The following PLAG1 variants were observed in gnomAD, a reference collection of about 807,000 sequenced individuals.
PLAG1 encodes the protein PLAG1 zinc finger.
A neutral mutation model predicts 35.5 loss-of-function variants in PLAG1; 7 were observed. The observed-to-expected ratio is 0.20, with a 90% CI of 0.11 to 0.37. PLAG1 has a LOEUF of 0.37. Ranked by LOEUF, PLAG1 falls within the 10% of genes least tolerant of loss-of-function variation. PLAG1 has a pLI of 1.00. For synonymous variants in PLAG1, 229 were observed against 225.4 expected, an observed-to-expected ratio of 1.02 and a Z score of -0.14; for missense variants, 454 against 602.8, an observed-to-expected ratio of 0.75 and a Z score of 2.58.
chr8:56,168,595 T>A (rs1811424837), intron 3 of PLAG1, among the ~76,000 whole-genome samples: 1 of 152,200 alleles, frequency 6.6e-6, no homozygotes, highest in African/African-American at 2.4e-5. Flanking sequence ...AATGAACAGT[T>A]CATACATACC....
intron 2 of PLAG1, among the ~76,000 whole-genome samples, chr8:56,172,982 CG>C (rs1037528350): frequency 2.0e-5 from 3 of 152,040 alleles, no homozygotes; most frequent in Non-Finnish European, 4.4e-5. Flanking sequence ...GAGTGGAAAA[CG>C]ATTTGGGTAG....
intron 1 of PLAG1, among the ~76,000 whole-genome samples, chr8:56,200,085 G>T (rs1812506936): frequency 6.6e-6 from 1 of 152,098 alleles, no homozygotes; most frequent in African/African-American, 2.4e-5. Context: ...CTGACACCCT[G>T]ACACTCAACT....
Position 56,167,510 on chromosome 8 carries a change from A to G in PLAG1, c.243-7T>C. On this transcript the variant is annotated splice_region_variant and splice_polypyrimidine_tract_variant and intron_variant, in intron 4 of 4. Transcript: ENST00000316981. The surrounding 1 kb of genome is among the most constrained non-coding windows in gnomAD (Gnocchi z 5.9). ...AGAATGAGTAGCCATGTGCCTTTAA[A>G]CACAGATATAATCTATAAGTAGTTA... 6.3e-7 allele frequency: 1 copy of G among 1,576,160 alleles called. No individual in the cohort carries two copies.
intron 1 of PLAG1, among the ~76,000 whole-genome samples, chr8:56,195,124 T>C (rs1812321633): frequency 6.6e-6 from 1 of 152,176 alleles, no homozygotes; most frequent in Non-Finnish European, 1.5e-5. Context: ...ATTATCATAA[T>C]TATTAGCCAA....
chr8:56,200,740 C>T (rs1812524540), intron 1 of PLAG1, among the ~76,000 whole-genome samples: 2 of 152,200 alleles, frequency 1.3e-5, no homozygotes, highest in Admixed American at 1.3e-4. Flanking sequence ...AACAGCCCTG[C>T]TTCTTCTTGC....
chr8:56,200,046 A>G (rs1308459896), intron 1 of PLAG1, among the ~76,000 whole-genome samples: 1 of 151,906 alleles, frequency 6.6e-6, no homozygotes, highest in East Asian at 1.9e-4. Context: ...CTCCCTTTCT[A>G]GCTTTCTCCA....
intron 2 of PLAG1, among the ~76,000 whole-genome samples, chr8:56,176,584 G>C (rs1811702833): frequency 6.6e-6 from 1 of 152,034 alleles, no homozygotes; most frequent in African/African-American, 2.4e-5. Flanking sequence ...TGATGCCTCA[G>C]AGAGCAAAGA....
intron 1 of PLAG1, among the ~76,000 whole-genome samples, chr8:56,201,883 T>G (rs1397999251): frequency 1.3e-5 from 2 of 152,034 alleles, no homozygotes; most frequent in African/African-American, 2.4e-5. Flanking sequence ...GTCATGTTGC[T>G]AACGATTCAG....
intron 1 of PLAG1, among the ~76,000 whole-genome samples, chr8:56,179,950 C>G (rs1405345156): frequency 6.6e-6 from 1 of 152,058 alleles, no homozygotes; most frequent in Non-Finnish European, 1.5e-5. Flanking sequence ...ACCAGGCCAC[C>G]TGTCCACAGA....
chr8:56,198,044 A>G (rs1253274157), intron 1 of PLAG1, among the ~76,000 whole-genome samples: 1 of 152,060 alleles, frequency 6.6e-6, no homozygotes, highest in East Asian at 1.9e-4. Context: ...CGTCCCAGAC[A>G]CCCTCTGGAA....
Position 56,165,499 on chromosome 8 carries a change from G to C in PLAG1, c.*744C>G, listed in dbSNP as rs753293903. 4.7e-6 allele frequency: 1 copy of C among 210,604 alleles called. No individual in the cohort carries two copies. Among genetic ancestry groups the C allele is most frequent in the Admixed American group, 5.9e-5 (1 of 17,000 alleles). 13.0% of individuals were successfully genotyped at this position (210,604 alleles called of 1,614,324 possible). On this transcript the variant is annotated 3_prime_UTR_variant, in exon 5 of 5. Transcript: ENST00000316981. ...ATTAAATGAAAAGATAGCATGTTAA[G>C]AAGGATGAAACACGACAAAATATCC...
intron 1 of PLAG1, chr8:56,209,267 C>G (rs1326455427): frequency 1.3e-5 from 2 of 152,202 alleles, no homozygotes; most frequent in Admixed American, 6.5e-5. Flanking sequence ...GCTTCCAAAG[C>G]AAAGCAATGT....
intron 1 of PLAG1, among the ~76,000 whole-genome samples, chr8:56,193,686 T>A (rs2129231809): frequency 6.6e-6 from 1 of 151,610 alleles, no homozygotes; most frequent in South Asian, 2.1e-4. Flanking sequence ...AGATCTTTCA[T>A]TAGGTAAACT....
At chr8:56,192,640 C>T (rs1462021139) in intron 1 of PLAG1, among the ~76,000 whole-genome samples, 3 of 152,210 alleles carry the variant, frequency 2.0e-5, no homozygotes, top group Non-Finnish European at 4.4e-5. Flanking sequence ...ACTAATTCTA[C>T]ACCATAACAC....
chr8:56,196,396 G>A (rs1461191957), intron 1 of PLAG1, among the ~76,000 whole-genome samples: 1 of 152,192 alleles, frequency 6.6e-6, no homozygotes, highest in Non-Finnish European at 1.5e-5. Context: ...ATATGAGTGT[G>A]TGATGCCTCC....
chr8:56,177,928 C>T, intron 2 of PLAG1: 1 of 387,398 alleles, frequency 2.6e-6, no homozygotes, highest in Non-Finnish European at 3.5e-6. Flanking sequence ...CCTGCTTCGG[C>T]AGACCTCAAA....
At chr8:56,180,972 A>G (rs1049183796) in intron 1 of PLAG1, among the ~76,000 whole-genome samples, 23 of 152,358 alleles carry the variant, frequency 1.5e-4, no homozygotes, top group Admixed American at 4.6e-4. Flanking sequence ...AAAAAAGCTC[A>G]TCATCACTGG....
rs751939013 is a variant in PLAG1 at position 56,167,268 on chromosome 8, C to T, written c.478G>A (p.Glu160Lys). The part of the protein sequence containing the change: ...LTCKVCLQTF[E>K]STGVLLEHLK... Reference sequence around the variant, plus strand: ...TGCTCCAGAAGCACTCCCGTGCTTTCAAAAGTTTGCAAACATACCTTACAG... The same window carrying T: ...TGCTCCAGAAGCACTCCCGTGCTTTTAAAAGTTTGCAAACATACCTTACAG... The change falls in exon 5 of 5, where the codon GAA becomes AAA. Residue 160 changes from glutamate to lysine, a missense_variant. Physicochemically the swap from Glu to Lys is moderately conservative, Grantham distance 56 (BLOSUM62 1). Coordinates refer to ENST00000316981, the MANE Select transcript of PLAG1 (RefSeq NM_002655.3). The surrounding 1 kb of genome is among the most constrained non-coding windows in gnomAD (Gnocchi z 5.9). 8.1e-6 allele frequency: 13 copies of T among 1,614,046 alleles called. No homozygotes were observed. The highest frequency in any genetic ancestry group is 1.1e-5 in the Non-Finnish European group (13 of 1,180,004).
intron 1 of PLAG1, among the ~76,000 whole-genome samples, chr8:56,194,126 C>G (rs750307057): frequency 2.0e-5 from 3 of 151,676 alleles, no homozygotes; most frequent in African/African-American, 4.8e-5. Context: ...CCAGCCTGGC[C>G]AACATAGCGA....
Sources: allele counts gnomAD v4.1 joint callset (sites outside exome capture counted in the v4.1 genomes callset), GRCh38; gene constraint gnomAD v4.1.1; non-coding constraint Gnocchi (gnomAD v3.1); transcripts MANE v1.5; gene names NCBI Gene and HGNC (gene_info 2026-07-23, HGNC 2026-07-21).